The following PCDHA1 variants were observed in gnomAD, a reference collection of about 807,000 sequenced individuals.
PCDHA1 encodes the protein protocadherin alpha-1.
In PCDHA1, 42 loss-of-function variants were observed where a neutral mutation model predicts 61.3. That is an observed-to-expected ratio of 0.69 (90% CI 0.54 to 0.89). The LOEUF (loss-of-function observed/expected upper bound fraction) is 0.89. Ranked by LOEUF, PCDHA1 falls within the 40% of genes least tolerant of loss-of-function variation. The pLI is 0.00. For synonymous variants in PCDHA1, 610 were observed against 553.8 expected (o/e 1.10, Z -1.43); for missense variants, 1,256 against 1,235.3 (o/e 1.02, Z -0.25).
chr5:140,969,450 G>GTA (rs782343162), intron 1 of PCDHA1: 4 of 1,511,552 alleles, frequency 2.6e-6, no homozygotes, highest in Non-Finnish European at 3.6e-6. Flanking sequence ...GGTAAACTGA[G>GTA]TATATATAGT....
Position 140,932,248 on chromosome 5 carries a change from T to C in PCDHA1, c.2395-46701T>C, listed in dbSNP as rs1424091954. Among the ~76,000 whole-genome samples the C allele has an allele frequency of 2.6e-5, 4 of 152,016 alleles. No individual in the cohort carries two copies. In the East Asian group the frequency reaches 7.7e-4, roughly 29 times the overall value. On this transcript the variant is annotated intron_variant, in intron 1 of 3. Coordinates refer to ENST00000504120, the MANE Select transcript of PCDHA1 (RefSeq NM_018900.4). ...TTTTTTAGAATGGTATCTAAGAGGG[T>C]ACCTCTGAGATATAAATTTCTACTT... is the stretch of plus-strand genomic sequence containing the variant.
intron 1 of PCDHA1, chr5:140,807,275 C>CA: frequency 6.2e-7 from 1 of 1,614,232 alleles, no homozygotes; most frequent in Non-Finnish European, 8.5e-7. Context: ...AGGGAACGGT[C>CA]AGCTCCACTA....
At chr5:140,846,874 G>A (rs1315132744) in intron 1 of PCDHA1, among the ~76,000 whole-genome samples, 2 of 149,594 alleles carry the variant, frequency 1.3e-5, no homozygotes, top group Admixed American at 6.7e-5. Flanking sequence ...AGGTACAAGA[G>A]GTAAATCAGA....
At chr5:140,849,336 T>G in intron 1 of PCDHA1, 8 of 1,396,714 alleles carry the variant, frequency 5.7e-6, no homozygotes, top group Non-Finnish European at 6.9e-6. Context: ...TATTTACTCC[T>G]TCTCCAGTGA....
intron 1 of PCDHA1, among the ~76,000 whole-genome samples, chr5:140,958,321 AAAAT>A: frequency 1.3e-5 from 2 of 152,256 alleles, no homozygotes; most frequent in Middle Eastern, 6.8e-3. Context: ...TAGAGCTCAA[AAAAT>A]AAATAAATCA....
chr5:140,828,364 C>T (rs1769717460), intron 1 of PCDHA1: 1 of 1,614,276 alleles, frequency 6.2e-7, no homozygotes, highest in Non-Finnish European at 8.5e-7. Flanking sequence ...CTCGGATCGA[C>T]CGCGAGGAGC....
chr5:140,887,045 T>C (rs2061271952), intron 1 of PCDHA1, among the ~76,000 whole-genome samples: 1 of 152,108 alleles, frequency 6.6e-6, no homozygotes, highest in Non-Finnish European at 1.5e-5. Context: ...TTTTTTATAG[T>C]GCATATGTTC....
intron 1 of PCDHA1, chr5:140,822,171 C>G: frequency 6.2e-7 from 1 of 1,614,246 alleles, no homozygotes; most frequent in Non-Finnish European, 8.5e-7. Flanking sequence ...CGCCCAGGTT[C>G]TCCAGACAAG....
intron 1 of PCDHA1, chr5:140,871,489 G>T: frequency 1.3e-6 from 2 of 1,590,138 alleles, no homozygotes; most frequent in Non-Finnish European, 1.7e-6. Flanking sequence ...AAATCACCCC[G>T]GACAGGTGAG....
intron 1 of PCDHA1, among the ~76,000 whole-genome samples, chr5:140,844,789 C>A (rs2150373812): frequency 6.7e-6 from 1 of 149,202 alleles, no homozygotes; most frequent in African/African-American, 2.4e-5. Flanking sequence ...TGGTATCTTT[C>A]AACATTTTCT....
chr5:140,948,496 A>C (rs1258443825), intron 1 of PCDHA1, among the ~76,000 whole-genome samples: 1 of 151,522 alleles, frequency 6.6e-6, no homozygotes, highest in African/African-American at 2.4e-5. Context: ...TCTTTCATAG[A>C]CTTTCTATTA....
At chr5:140,928,809 G>A (rs1563109634) in intron 1 of PCDHA1, 2 of 1,614,078 alleles carry the variant, frequency 1.2e-6, no homozygotes, top group African/African-American at 2.7e-5. Flanking sequence ...TAGTGGTTCG[G>A]GACCATGGAG....
chr5:140,856,274 G>T, intron 1 of PCDHA1: 1 of 1,598,358 alleles, frequency 6.3e-7, no homozygotes, highest in Non-Finnish European at 8.6e-7. Context: ...CCTTCTGGAG[G>T]TAAATCTGCA....
At chr5:140,915,259 T>A (rs1344301014) in intron 1 of PCDHA1, among the ~76,000 whole-genome samples, 2 of 152,182 alleles carry the variant, frequency 1.3e-5, no homozygotes, top group African/African-American at 2.4e-5. Flanking sequence ...GTTGTTATTA[T>A]TTTTGACCAG....
intron 1 of PCDHA1, among the ~76,000 whole-genome samples, chr5:140,840,246 A>T (rs189141178): frequency 2.6e-5 from 4 of 152,184 alleles, no homozygotes; most frequent in African/African-American, 9.6e-5. Context: ...TCACTATGCT[A>T]TAAAAATTGT....
intron 1 of PCDHA1, among the ~76,000 whole-genome samples, chr5:140,936,092 C>T (rs941947685): frequency 1.3e-5 from 2 of 152,034 alleles, no homozygotes; most frequent in Admixed American, 6.6e-5. Context: ...AGGGTTTCAC[C>T]ATGTTGGCCA....
rs1432987823 is a variant in PCDHA1, at chr5:140,905,869, AAGGCCCAACAAT to A, written c.2395-73074_2395-73063del. ...AAGGAGTATTAACTCACACAATCAC[AAGGCCCAACAAT>A]AGGCCATCTGCAAGCTGAGGAGCAA... On this transcript the variant is annotated intron_variant, in intron 1 of 3. Coordinates refer to ENST00000504120, the MANE Select transcript of PCDHA1 (RefSeq NM_018900.4). 1.1e-4 allele frequency among the ~76,000 whole-genome samples: 17 copies of A among 152,326 alleles called. No individual in the cohort carries two copies. In the South Asian group the frequency reaches 3.5e-3, roughly 32 times the overall value.
intron 3 of PCDHA1, among the ~76,000 whole-genome samples, chr5:140,991,634 A>G (rs1261533190): frequency 5.9e-5 from 9 of 152,196 alleles, no homozygotes; most frequent in African/African-American, 1.7e-4. Flanking sequence ...TGTAATAACA[A>G]TCTGTTCATG....
In PCDHA1 at chr5:140,883,790, G is replaced by T. The variant is rs200436467; in HGVS notation, c.2394+95106G>T. ...GGGCGAGCGTGCGCTGTCGAGCTAC[G>T]TGTCGGTGCACGCGGAGAGCGGCAA... On this transcript the variant is annotated intron_variant, in intron 1 of 3. Coordinates refer to ENST00000504120, the MANE Select transcript of PCDHA1 (RefSeq NM_018900.4). The T allele has an allele frequency of 3.5e-5, 57 of 1,612,406 alleles. No homozygotes were observed. The highest frequency in any genetic ancestry group is 4.3e-5 in the Non-Finnish European group (51 of 1,179,760).
Sources: allele counts gnomAD v4.1 joint callset (sites outside exome capture counted in the v4.1 genomes callset), GRCh38; gene constraint gnomAD v4.1.1; transcripts MANE v1.5; gene names NCBI Gene and HGNC (gene_info 2026-07-23, HGNC 2026-07-21).